The following THSD7B variants were observed in gnomAD, a reference collection of about 807,000 sequenced individuals.
The protein encoded by THSD7B is thrombospondin type-1 domain-containing protein 7B.
In THSD7B, 138 loss-of-function variants were observed where a neutral mutation model predicts 213.6. That is an observed-to-expected ratio of 0.65 (90% CI 0.56 to 0.74). The LOEUF (loss-of-function observed/expected upper bound fraction) is 0.74, where lower values mean the gene tolerates loss of function less well. Among genes scored for constraint, THSD7B ranks in the 30% least tolerant of loss-of-function variants. THSD7B has a pLI of 0.00. For missense variants in THSD7B, 1,931 were observed against 1,991.5 expected (o/e 0.97, Z 0.58); for synonymous variants, 742 against 687.0 (o/e 1.08, Z -1.25).
chr2:137,445,030 G>T (rs1687506848), intron 14 of THSD7B, among the ~76,000 whole-genome samples: 1 of 151,656 alleles, frequency 6.6e-6, no homozygotes. Flanking sequence ...AATCATCAGA[G>T]GAAATGCAAA....
At chr2:137,395,090 A>C (rs371899733) in intron 12 of THSD7B, among the ~76,000 whole-genome samples, 5,386 of 113,186 alleles carry the variant, frequency 0.048, 160 homozygotes, top group Non-Finnish European at 0.056. Flanking sequence ...TCTAGATATA[A>C]AATCATGTCA....
At chr2:136,804,114 G>C (rs1178160946) in intron 1 of THSD7B, among the ~76,000 whole-genome samples, 2 of 152,144 alleles carry the variant, frequency 1.3e-5, no homozygotes, top group African/African-American at 4.8e-5. Context: ...AAATACTCCT[G>C]TACAAAGCTG....
At chr2:137,225,093 T>C (rs12691909) in intron 7 of THSD7B, among the ~76,000 whole-genome samples, 62,496 of 152,014 alleles carry the variant, frequency 0.41, 12,998 homozygotes, top group Middle Eastern at 0.5. Flanking sequence ...TTTGTGAGCA[T>C]CTTTACATCA....
At chr2:137,159,727 C>T (rs1043423209) in intron 5 of THSD7B, among the ~76,000 whole-genome samples, 4 of 152,100 alleles carry the variant, frequency 2.6e-5, no homozygotes, top group African/African-American at 4.8e-5. Context: ...ATCCTAAGTA[C>T]GATTTTTCTT....
At chr2:136,993,873 A>T (rs1182071297) in intron 2 of THSD7B, among the ~76,000 whole-genome samples, 2 of 152,192 alleles carry the variant, frequency 1.3e-5, no homozygotes, top group African/African-American at 4.8e-5. Context: ...AGAAGGGGAG[A>T]CAAAGAATCA....
intron 5 of THSD7B, chr2:137,156,282 C>G (rs1336632788): frequency 6.6e-6 from 1 of 152,062 alleles, no homozygotes; most frequent in Non-Finnish European, 1.5e-5. Context: ...ACAGGCTGAC[C>G]CAAGCACATT....
intron 2 of THSD7B, among the ~76,000 whole-genome samples, chr2:136,899,075 C>T (rs915475316): frequency 9.2e-5 from 14 of 152,036 alleles, no homozygotes; most frequent in Non-Finnish European, 1.9e-4. Flanking sequence ...TACCAAGGAA[C>T]CATAAAAAAT....
chr2:137,353,071 G>A lies in THSD7B; in HGVS notation c.2501-52542G>A, dbSNP rs752995218. On this transcript the variant is annotated intron_variant, in intron 12 of 27. Transcript: ENST00000409968. ...GAGACTACACAACTCTTAATTGGCC[G>A]AGTTCTGGAATTCTGACAATTGAGA... 4.3e-4 allele frequency among the ~76,000 whole-genome samples: 66 copies of A among 151,960 alleles called. 1 individual carries two copies. The highest frequency in any genetic ancestry group is 2.0e-3 in the Admixed American group (30 of 15,214).
intron 12 of THSD7B, among the ~76,000 whole-genome samples, chr2:137,342,884 AG>A (rs1684793063): frequency 6.6e-6 from 1 of 151,700 alleles, no homozygotes; most frequent in South Asian, 2.1e-4. Context: ...GCTAAATCCC[AG>A]GTAGTAATGG....
At chr2:137,054,766 CT>C (rs200545780) in intron 2 of THSD7B, among the ~76,000 whole-genome samples, 19,047 of 144,536 alleles carry the variant, frequency 0.13, 1,189 homozygotes, top group East Asian at 0.24. Flanking sequence ...GCTGATAAAA[CT>C]TTTTTTTTTT....
chr2:137,324,405 A>C (rs1462055329), intron 12 of THSD7B, among the ~76,000 whole-genome samples: 1 of 152,212 alleles, frequency 6.6e-6, no homozygotes, highest in African/African-American at 2.4e-5. Flanking sequence ...AGAAAAATGT[A>C]GTCAGCCAAT....
rs141620240 is a variant in THSD7B at position 136,859,027 on chromosome 2, G to C, written c.-35-23117G>C. On this transcript the variant is annotated intron_variant, in intron 1 of 27. Transcript: ENST00000409968. ...CTGACAGTTCCTGTTTCTTTCCCAC[G>C]TGTGGGAAGGAATATGAGATTGTTT... 4.6e-5 allele frequency among the ~76,000 whole-genome samples: 7 copies of C among 152,284 alleles called. No homozygotes were observed. In the East Asian group the frequency reaches 5.8e-4, roughly 13 times the overall value.
chr2:137,590,238 G>A (rs1051514677), intron 17 of THSD7B, among the ~76,000 whole-genome samples: 7 of 152,120 alleles, frequency 4.6e-5, no homozygotes, highest in African/African-American at 1.7e-4. Flanking sequence ...CAAGCATTTA[G>A]TACAAGACAC....
At chr2:137,207,762 A>G (rs963833658) in intron 7 of THSD7B, among the ~76,000 whole-genome samples, 1 of 152,034 alleles carries the variant, frequency 6.6e-6, no homozygotes, top group Admixed American at 6.6e-5. Context: ...GTGAGCTCCT[A>G]CTTATTCAAA....
At chr2:137,324,836 G>A (rs1325772480) in intron 12 of THSD7B, among the ~76,000 whole-genome samples, 2 of 152,196 alleles carry the variant, frequency 1.3e-5, no homozygotes, top group African/African-American at 2.4e-5. Context: ...GGACAAAATC[G>A]AACTCCATAT....
chr2:136,899,367 ATATTTATTGCATT>A (rs953059945), intron 2 of THSD7B, among the ~76,000 whole-genome samples: 1 of 152,140 alleles, frequency 6.6e-6, no homozygotes, highest in African/African-American at 2.4e-5. Flanking sequence ...TGCATGATAA[ATATTTATTGCATT>A]CTTAAATGTG....
chr2:137,285,561 T>G (rs1683151448), intron 12 of THSD7B, among the ~76,000 whole-genome samples: 1 of 151,736 alleles, frequency 6.6e-6, no homozygotes, highest in East Asian at 1.9e-4. Context: ...TTTCCATGTT[T>G]AGTGCTTCCT....
chr2:137,676,021 A>T (rs1196469019), intron 27 of THSD7B, among the ~76,000 whole-genome samples: 1 of 152,190 alleles, frequency 6.6e-6, no homozygotes, highest in Non-Finnish European at 1.5e-5. Context: ...GGTAAAGCAG[A>T]GACCAGGTGA....
chr2:137,310,154 C>T (rs1465393848), intron 12 of THSD7B, among the ~76,000 whole-genome samples: 5 of 152,126 alleles, frequency 3.3e-5, no homozygotes, highest in African/African-American at 9.7e-5. Flanking sequence ...TTCTCCACAT[C>T]CTCTCCGGCA....
Sources: allele counts gnomAD v4.1 joint callset (sites outside exome capture counted in the v4.1 genomes callset), GRCh38; gene constraint gnomAD v4.1.1; transcripts MANE v1.5; gene names NCBI Gene and HGNC (gene_info 2026-07-23, HGNC 2026-07-21).